The following STXBP5L variants were observed in gnomAD, a reference collection of about 807,000 sequenced individuals.
The protein encoded by STXBP5L is syntaxin-binding protein 5-like.
Under a neutral mutation model 144.5 loss-of-function variants are expected in STXBP5L, and 65 were observed. The observed-to-expected ratio is 0.45, with a 90% CI of 0.37 to 0.55. STXBP5L has a LOEUF of 0.55. Among genes scored for constraint, STXBP5L ranks in the 20% least tolerant of loss-of-function variants. The pLI, the probability that STXBP5L is intolerant of heterozygous loss-of-function variation, is 0.00. For synonymous variants in STXBP5L, 505 were observed against 469.6 expected (o/e 1.08, Z -0.97); for missense variants, 1,298 against 1,405.5 (o/e 0.92, Z 1.22).
At chr3:121,388,895 T>C (rs1378103376) in intron 22 of STXBP5L, among the ~76,000 whole-genome samples, 2 of 152,184 alleles carry the variant, frequency 1.3e-5, no homozygotes, top group African/African-American at 4.8e-5. Context: ...AAGGATGATG[T>C]GGGCCTCATA....
chr3:120,974,802 C>A (rs1400360982), intron 3 of STXBP5L, among the ~76,000 whole-genome samples: 1 of 152,126 alleles, frequency 6.6e-6, no homozygotes, highest in African/African-American at 2.4e-5. Flanking sequence ...AATAGGGAAT[C>A]CTTTCCCCAT....
intron 14 of STXBP5L, 58 bp downstream of exon 14, chr3:121,240,565 C>G (rs909413257): frequency 8.6e-5 from 129 of 1,497,720 alleles, no homozygotes; most frequent in Non-Finnish European, 1.2e-4. Flanking sequence ...TTTACTGAGT[C>G]TTGATACTTT....
chr3:120,958,866 A>T (rs1464497737), intron 3 of STXBP5L, among the ~76,000 whole-genome samples: 1 of 152,186 alleles, frequency 6.6e-6, no homozygotes, highest in African/African-American at 2.4e-5. Flanking sequence ...GCCCTCTCTC[A>T]CCACTCCTAT....
At chr3:121,149,699 A>G (rs548797771) in intron 7 of STXBP5L, among the ~76,000 whole-genome samples, 1 of 152,068 alleles carries the variant, frequency 6.6e-6, no homozygotes, top group East Asian at 1.9e-4. Flanking sequence ...CATATAAAAT[A>G]GCAATAAGAA....
At chr3:121,036,772 A>ATTTTTTTTTTTTT (rs3863971) in intron 3 of STXBP5L, among the ~76,000 whole-genome samples, 18 of 122,220 alleles carry the variant, frequency 1.5e-4, no homozygotes, top group Non-Finnish European at 1.8e-4. Context: ...ACATTGATTG[A>ATTTTTTTTTTTTT]TTTTTTTTTT....
chr3:121,382,967 C>G (rs1020389014), intron 22 of STXBP5L, among the ~76,000 whole-genome samples: 3 of 152,016 alleles, frequency 2.0e-5, no homozygotes, highest in African/African-American at 4.8e-5. Flanking sequence ...TTTCAAGACT[C>G]TAGTTAATAA....
intron 19 of STXBP5L, among the ~76,000 whole-genome samples, chr3:121,295,328 A>G (rs1439358347): frequency 6.6e-6 from 1 of 152,112 alleles, no homozygotes; most frequent in African/African-American, 2.4e-5. Context: ...TGAGAGAACT[A>G]CAGAATGAAG....
At chr3:121,056,188 AT>A (rs752379408) in intron 5 of STXBP5L, among the ~76,000 whole-genome samples, 1 of 152,154 alleles carries the variant, frequency 6.6e-6, no homozygotes, top group African/African-American at 2.4e-5. Context: ...GGAAGAAAAA[AT>A]GTCTTGATTT....
chr3:121,394,098 C>A (rs916583599), intron 22 of STXBP5L, among the ~76,000 whole-genome samples: 7 of 152,052 alleles, frequency 4.6e-5, no homozygotes, highest in African/African-American at 1.7e-4. Context: ...ATCTCAATTT[C>A]TTTCACTAGT....
At chr3:121,007,821 C>G (rs570125975) in intron 3 of STXBP5L, among the ~76,000 whole-genome samples, 2 of 152,096 alleles carry the variant, frequency 1.3e-5, no homozygotes, top group Admixed American at 6.6e-5. Context: ...AGGATACTGA[C>G]AGCATCTTCT....
chr3:121,282,200 A>T, intron 19 of STXBP5L: 1 of 1,495,932 alleles, frequency 6.7e-7, no homozygotes, highest in Non-Finnish European at 9.3e-7. Context: ...ACTTCCTTTC[A>T]CTTTAGACTT....
intron 3 of STXBP5L, among the ~76,000 whole-genome samples, chr3:121,039,920 A>T (rs1617800): frequency 0.37 from 56,640 of 151,380 alleles, 10,794 homozygotes; most frequent in Non-Finnish European, 0.4. Flanking sequence ...GAATTTTTTT[A>T]AAAAAATCTC....
chr3:121,035,445 A>C (rs912498779), intron 3 of STXBP5L, among the ~76,000 whole-genome samples: 3 of 152,172 alleles, frequency 2.0e-5, no homozygotes, highest in African/African-American at 7.2e-5. Flanking sequence ...CAATTTTCCC[A>C]GCACCATTTA....
In STXBP5L at chr3:120,961,277, T is replaced by C. The variant is rs77404060; in HGVS notation, c.287+6240T>C. ...ATACTTTAGTCTTTCTTTTTTTGTT[T>C]TTTTTTTTTAATTATACTTTAAGTT... On this transcript the variant is annotated intron_variant, in intron 3 of 26. Coordinates refer to ENST00000471454, the MANE Select transcript of STXBP5L (RefSeq NM_001308330.2). 3.1e-4 allele frequency among the ~76,000 whole-genome samples: 46 copies of C among 149,554 alleles called. No homozygotes were observed. The East Asian group carries it at 8.9e-3, about 29-fold the overall frequency.
chr3:121,204,717 G>T (rs542791427), intron 9 of STXBP5L, among the ~76,000 whole-genome samples: 52 of 147,636 alleles, frequency 3.5e-4, no homozygotes, highest in Middle Eastern at 7.4e-3. Context: ...GAATAAATAA[G>T]GGTACTTACT....
intron 22 of STXBP5L, among the ~76,000 whole-genome samples, chr3:121,398,415 C>T (rs562149348): frequency 6.6e-6 from 1 of 152,312 alleles, no homozygotes; most frequent in East Asian, 1.9e-4. Flanking sequence ...GAGGGAATGG[C>T]CTGAGCTGGA....
intron 10 of STXBP5L, among the ~76,000 whole-genome samples, chr3:121,208,253 T>C (rs148724687): frequency 4.4e-4 from 64 of 145,868 alleles, no homozygotes; most frequent in African/African-American, 1.6e-3. Context: ...AAACACCACA[T>C]GTTCTCACTC....
intron 20 of STXBP5L, among the ~76,000 whole-genome samples, chr3:121,365,665 T>C (rs912603462): frequency 6.6e-6 from 1 of 151,748 alleles, no homozygotes; most frequent in Non-Finnish European, 1.5e-5. Context: ...TCTCTCTCTG[T>C]TTCTTCTTAC....
At chr3:121,412,286 A>G (rs2047129836) in intron 23 of STXBP5L, among the ~76,000 whole-genome samples, 1 of 152,098 alleles carries the variant, frequency 6.6e-6, no homozygotes, top group South Asian at 2.1e-4. Context: ...TTTCTGGGCT[A>G]ACAAGGTCCT....
Sources: allele counts gnomAD v4.1 joint callset (sites outside exome capture counted in the v4.1 genomes callset), GRCh38; gene constraint gnomAD v4.1.1; transcripts MANE v1.5; gene names NCBI Gene and HGNC (gene_info 2026-07-23, HGNC 2026-07-21).